The following NSUN4 variants were observed in gnomAD, a reference collection of about 807,000 sequenced individuals.
NSUN4 encodes 5-cytosine rRNA methyltransferase NSUN4.
NSUN4 carries 31 observed loss-of-function variants against 43.8 expected under a neutral mutation model. The observed-to-expected ratio is 0.71, with a 90% CI of 0.53 to 0.96. NSUN4 has a LOEUF of 0.96. NSUN4 is among the 40% of genes least tolerant of loss of function. The pLI is 0.00. For synonymous variants in NSUN4, 167 were observed against 184.1 expected (o/e 0.91, Z 0.75); for missense variants, 439 against 475.6 (o/e 0.92, Z 0.72).
chr1:46,341,974 C>G (rs1304335492), intron 1 of NSUN4: 2 of 1,232,262 alleles, frequency 1.6e-6, no homozygotes, highest in African/African-American at 3.1e-5. Flanking sequence ...TCCCCGGGAA[C>G]GAGCCCAGTG....
Position 46,346,919 on chromosome 1 carries a change from A to G in NSUN4, c.438-2A>G, listed in dbSNP as rs1285145206. 1.2e-6 allele frequency: 2 copies of G among 1,612,470 alleles called. No homozygotes were observed. Among genetic ancestry groups the G allele is most frequent in the East Asian group, 4.5e-5 (2 of 44,878 alleles). ...ACAATAAAGTGGTCTCCTCTTTTCC[A>G]GACCTGGCAGCCTGGGTGTCATGGA... On this transcript the variant is annotated splice_acceptor_variant, in intron 2 of 5. Coordinates refer to ENST00000474844, the MANE Select transcript of NSUN4 (RefSeq NM_199044.4). LOFTEE classifies it high-confidence loss of function.
the NSUN4 span, among the ~76,000 whole-genome samples, chr1:46,378,236 T>G: frequency 0.22 from 33,665 of 149,998 alleles, 4,245 homozygotes; most frequent in Non-Finnish European, 0.29. Flanking sequence ...AGTTTCTCTC[T>G]GTTCAGGCTG....
chr1:46,357,840 T>G (rs1663492769), intron 4 of NSUN4, among the ~76,000 whole-genome samples: 1 of 152,178 alleles, frequency 6.6e-6, no homozygotes, highest in Non-Finnish European at 1.5e-5. Flanking sequence ...ATCTATAAAT[T>G]TTATTCTTTT....
chr1:46,385,114 T>A, the NSUN4 span, among the ~76,000 whole-genome samples: 1 of 152,230 alleles, frequency 6.6e-6, no homozygotes, highest in South Asian at 2.1e-4. Context: ...TCCTGTATCA[T>A]TTTTATACCA....
chr1:46,346,611 A>G (rs930530302), intron 2 of NSUN4, among the ~76,000 whole-genome samples: 1 of 151,254 alleles, frequency 6.6e-6, no homozygotes. Flanking sequence ...GTAATCCCAG[A>G]TATTCAGGAG....
At chr1:46,375,116 C>T in the NSUN4 span, among the ~76,000 whole-genome samples, 1 of 151,702 alleles carries the variant, frequency 6.6e-6, no homozygotes, top group African/African-American at 2.4e-5. Context: ...CTAAACTGAC[C>T]AAGAAAAGAG....
In NSUN4 at chr1:46,362,521, A is replaced by G. The variant is rs765483626; in HGVS notation, c.*675A>G. The G allele has an allele frequency of 6.6e-6, 1 of 152,364 alleles. No individual in the cohort carries two copies. The highest frequency in any genetic ancestry group is 1.5e-5 in the Non-Finnish European group (1 of 68,164). 9.4% of individuals were successfully genotyped at this position (152,364 alleles called of 1,614,324 possible). On this transcript the variant is annotated 3_prime_UTR_variant, in exon 6 of 6. Transcript: ENST00000474844. ...TGGCTTAGGAGGCTGCTTCTGCCACAAAACCGTCATACTCTTGTGCGTGCC... is the reference window on the plus strand; with the variant it reads ...TGGCTTAGGAGGCTGCTTCTGCCACGAAACCGTCATACTCTTGTGCGTGCC...
At chr1:46,349,301 G>A (rs1298396338) in intron 3 of NSUN4, among the ~76,000 whole-genome samples, 11 of 151,602 alleles carry the variant, frequency 7.3e-5, no homozygotes, top group South Asian at 4.2e-4. Flanking sequence ...CACCATGCCC[G>A]GCTAATTTTT....
the NSUN4 span, among the ~76,000 whole-genome samples, chr1:46,376,618 T>C: frequency 6.6e-6 from 1 of 152,080 alleles, no homozygotes; most frequent in Non-Finnish European, 1.5e-5. Flanking sequence ...ATAAATTAGA[T>C]GGCCACCTTT....
chr1:46,344,632 T>C (rs41294458), intron 1 of NSUN4, 169 bp from the exon 2 acceptor site: 147,651 of 626,420 alleles, frequency 0.24, 19,915 homozygotes, highest in Non-Finnish European at 0.29. Context: ...GAAGGCCCAC[T>C]CTCCACTACT....
At chr1:46,346,370 T>C (rs112280595) in intron 2 of NSUN4, among the ~76,000 whole-genome samples, 33,940 of 150,462 alleles carry the variant, frequency 0.23, 4,263 homozygotes, top group Non-Finnish European at 0.29. Flanking sequence ...GCCAAAATGG[T>C]GAAACCCCAT....
At chr1:46,359,028 CG>C (rs1663607768) in intron 4 of NSUN4, among the ~76,000 whole-genome samples, 1 of 151,962 alleles carries the variant, frequency 6.6e-6, no homozygotes, top group Non-Finnish European at 1.5e-5. Context: ...GAGGCTGAGG[CG>C]GGTAAATCAC....
At chr1:46,345,977 C>T (rs1662458382) in intron 2 of NSUN4, among the ~76,000 whole-genome samples, 1 of 151,648 alleles carries the variant, frequency 6.6e-6, no homozygotes, top group Admixed American at 6.6e-5. Context: ...TGATGAAACC[C>T]TGTCTCTACT....
At chr1:46,383,735 G>A in the NSUN4 span, among the ~76,000 whole-genome samples, 44 of 152,126 alleles carry the variant, frequency 2.9e-4, no homozygotes, top group African/African-American at 9.2e-4. Flanking sequence ...GATTACAGGC[G>A]TGAGCCACCG....
chr1:46,376,387 T>G, the NSUN4 span, among the ~76,000 whole-genome samples: 1 of 149,912 alleles, frequency 6.7e-6, no homozygotes, highest in African/African-American at 2.5e-5. Context: ...CTAGTCTGGG[T>G]GACAGAGAAG....
At chr1:46,375,455 C>G in the NSUN4 span, among the ~76,000 whole-genome samples, 1 of 147,382 alleles carries the variant, frequency 6.8e-6, no homozygotes, top group Admixed American at 6.8e-5. Flanking sequence ...AAAAAAGGGC[C>G]GAGTGCAATG....
intron 4 of NSUN4, among the ~76,000 whole-genome samples, chr1:46,359,504 T>C (rs28578741): frequency 0.22 from 33,391 of 149,420 alleles, 4,186 homozygotes; most frequent in Non-Finnish European, 0.29. Context: ...CTCAGCCTCC[T>C]GAGTAGTAGC....
intron 4 of NSUN4, among the ~76,000 whole-genome samples, chr1:46,360,249 A>AAAAAAAATAT (rs1553177947): frequency 3.9e-5 from 1 of 25,770 alleles, no homozygotes; most frequent in African/African-American, 1.3e-4. Context: ...AAAAAAAAAA[A>AAAAAAAATAT]ATATATATAT....
At chr1:46,349,369 T>G (rs924867708) in intron 3 of NSUN4, among the ~76,000 whole-genome samples, 1 of 152,088 alleles carries the variant, frequency 6.6e-6, no homozygotes, top group Admixed American at 6.6e-5. Flanking sequence ...CTTGATCTCC[T>G]GACCTCGTGA....
Sources: gnomAD v4.1 joint callset for allele counts (sites outside exome capture counted in the v4.1 genomes callset) on GRCh38, gnomAD v4.1.1 for gene constraint, MANE v1.5 for transcripts, NCBI Gene and HGNC (gene_info 2026-07-23, HGNC 2026-07-21) for gene names.